Variants in OR6N1 observed in about 807,000 individuals in gnomAD.
The protein encoded by OR6N1 is olfactory receptor 6N1.
For missense variants in OR6N1, 394 were observed against 371.7 expected, an observed-to-expected ratio of 1.06 and a Z score of -0.49; for synonymous variants, 170 against 150.7, an observed-to-expected ratio of 1.13 and a Z score of -0.94.
the OR6N1 span, among the ~76,000 whole-genome samples, chr1:158,823,096 C>T: frequency 6.6e-6 from 1 of 152,028 alleles, no homozygotes; most frequent in African/African-American, 2.4e-5. Flanking sequence ...TGATTTGATG[C>T]TGGATTTAAT....
chr1:158,789,063 T>A, the OR6N1 span, among the ~76,000 whole-genome samples: 1 of 152,184 alleles, frequency 6.6e-6, no homozygotes, highest in Non-Finnish European at 1.5e-5. Context: ...TGATATCCAC[T>A]TTTTTACCTC....
chr1:158,786,592 C>G, the OR6N1 span, among the ~76,000 whole-genome samples: 1 of 152,162 alleles, frequency 6.6e-6, no homozygotes, highest in Non-Finnish European at 1.5e-5. Context: ...TGGAACCAAC[C>G]TAAGTGCCCA....
the OR6N1 span, among the ~76,000 whole-genome samples, chr1:158,831,097 T>C: frequency 6.6e-6 from 1 of 152,242 alleles, no homozygotes; most frequent in African/African-American, 2.4e-5. Flanking sequence ...TACCGGTTTC[T>C]AATGACCTAT....
At chr1:158,833,319 T>C in the OR6N1 span, among the ~76,000 whole-genome samples, 28 of 152,352 alleles carry the variant, frequency 1.8e-4, no homozygotes, top group African/African-American at 6.5e-4. Context: ...TTGTTTTCTT[T>C]TAATTGTGTT....
At chr1:158,838,209 C>T in the OR6N1 span, among the ~76,000 whole-genome samples, 1 of 151,872 alleles carries the variant, frequency 6.6e-6, no homozygotes, top group Non-Finnish European at 1.5e-5. Context: ...TTTGAGTTAC[C>T]ATCTAGCATC....
chr1:158,820,859 A>G, the OR6N1 span, among the ~76,000 whole-genome samples: 1 of 152,202 alleles, frequency 6.6e-6, no homozygotes, highest in Non-Finnish European at 1.5e-5. Context: ...AAAAAAACCC[A>G]GCTAGAGATA....
the OR6N1 span, among the ~76,000 whole-genome samples, chr1:158,836,899 T>C: frequency 2.0e-5 from 3 of 151,868 alleles, no homozygotes; most frequent in African/African-American, 7.2e-5. Context: ...TGAAATGATA[T>C]GTTGTGTTTC....
At chr1:158,832,416 C>T in the OR6N1 span, among the ~76,000 whole-genome samples, 1 of 151,748 alleles carries the variant, frequency 6.6e-6, no homozygotes, top group Non-Finnish European at 1.5e-5. Context: ...CTTTCAGTAA[C>T]TGAGAGATGT....
At chr1:158,770,228 C>T (rs1247960757) in intron 1 of OR6N1, among the ~76,000 whole-genome samples, 1 of 152,174 alleles carries the variant, frequency 6.6e-6, no homozygotes, top group Admixed American at 6.5e-5. Context: ...ACTCCAAAGA[C>T]TTATTATCAC....
chr1:158,772,426 T>C (rs1252124827), upstream of OR6N1, among the ~76,000 whole-genome samples: 1 of 152,336 alleles, frequency 6.6e-6, no homozygotes, highest in East Asian at 1.9e-4. Flanking sequence ...AGATAGAACA[T>C]GTCTCAAGGC....
At chr1:158,790,961 G>A in the OR6N1 span, among the ~76,000 whole-genome samples, 1,976 of 152,182 alleles carry the variant, frequency 0.013, 51 homozygotes, top group African/African-American at 0.045. Flanking sequence ...AGTTTGTTGA[G>A]GGTTTTTATC....
At chr1:158,767,825 C>T (rs200783353) in intron 1 of OR6N1, among the ~76,000 whole-genome samples, 1 of 152,150 alleles carries the variant, frequency 6.6e-6, no homozygotes, top group East Asian at 1.9e-4. Flanking sequence ...GCCTTTAATG[C>T]CTCTCTTTAA....
chr1:158,799,059 C>A, the OR6N1 span, among the ~76,000 whole-genome samples: 1 of 152,162 alleles, frequency 6.6e-6, no homozygotes, highest in African/African-American at 2.4e-5. Context: ...TATTAAAACA[C>A]CAATTACTAG....
At chr1:158,833,673 T>C in the OR6N1 span, among the ~76,000 whole-genome samples, 1 of 152,224 alleles carries the variant, frequency 6.6e-6, no homozygotes, top group East Asian at 1.9e-4. Flanking sequence ...TCTTTCTTCC[T>C]AGGGTAGAAT....
chr1:158,788,574 CAT>C, the OR6N1 span, among the ~76,000 whole-genome samples: 2 of 152,040 alleles, frequency 1.3e-5, no homozygotes, highest in African/African-American at 4.8e-5. Flanking sequence ...TTGAGGGATA[CAT>C]GTGATACTTT....
chr1:158,791,882 G>A, the OR6N1 span, among the ~76,000 whole-genome samples: 1 of 152,320 alleles, frequency 6.6e-6, no homozygotes, highest in East Asian at 1.9e-4. Flanking sequence ...TTCTTGGGTA[G>A]TAAGTTCTGT....
In OR6N1 at chr1:158,766,652, CTG is replaced by C; in HGVS notation, c.29_30del (p.Ala10GlyfsTer70). On this transcript the variant is annotated frameshift_variant, in exon 2 of 2. Transcript: ENST00000641846. LOFTEE classifies it low-confidence loss of function (END_TRUNC). ...TGGGGGAAGCCCAAGATGATGAATT[CTG>C]CTACCTGGCTCCAGTTCCCTGTGTC... The part of the protein sequence containing the change: MDTGNWSQV[A>X]EFIILGFPHL... The C allele has an allele frequency of 6.2e-6, 10 of 1,612,808 alleles. No homozygotes were observed. Among genetic ancestry groups the C allele is most frequent in the Non-Finnish European group, 8.5e-6 (10 of 1,179,740 alleles).
At chr1:158,799,177 C>G in the OR6N1 span, among the ~76,000 whole-genome samples, 1 of 152,158 alleles carries the variant, frequency 6.6e-6, no homozygotes, top group Non-Finnish European at 1.5e-5. Flanking sequence ...TTCCAGGTGA[C>G]TTGATCCCCA....
the OR6N1 span, among the ~76,000 whole-genome samples, chr1:158,797,326 G>A: frequency 1.3e-5 from 2 of 152,264 alleles, no homozygotes; most frequent in Admixed American, 1.3e-4. Flanking sequence ...TAGTAACTGT[G>A]AATCAGGGGA....
Sources: allele counts gnomAD v4.1 joint callset (sites outside exome capture counted in the v4.1 genomes callset), GRCh38; gene constraint gnomAD v4.1.1; transcripts MANE v1.5; gene names NCBI Gene and HGNC (gene_info 2026-07-23, HGNC 2026-07-21).